ZNF621: variants seen among roughly 807,000 people sequenced by gnomAD.
ZNF621 encodes zinc finger protein 621.
ZNF621 carries 6 observed loss-of-function variants against 12.7 expected under a neutral mutation model. That is an observed-to-expected ratio of 0.47 (90% confidence interval 0.26 to 0.93). The LOEUF (loss-of-function observed/expected upper bound fraction) is 0.93. ZNF621 is among the 40% of genes least tolerant of loss of function. The pLI is 0.15. For missense variants in ZNF621, 474 were observed against 524.0 expected (o/e 0.90, Z 0.93); for synonymous variants, 156 against 190.3 (o/e 0.82, Z 1.48).
chr3:40,526,609 G>T (rs1423080607), intron 2 of ZNF621, among the ~76,000 whole-genome samples: 1 of 152,198 alleles, frequency 6.6e-6, no homozygotes. Context: ...AAAGCTGGAT[G>T]TACTCTAGAA....
chr3:40,539,695 G>T lies in ZNF621; in HGVS notation c.*6605G>T, dbSNP rs1285162170. 1 of 152,184 alleles carries T rather than the reference G, an allele frequency of 6.6e-6. No individual in the cohort carries two copies. The allele number at this position is 152,184 out of a possible 1,614,324, so 9.4% of individuals were successfully genotyped here. ...TAATATCTTATTTCATGGTTGTCCA[G>T]AAGTTACATAACTTGTCTTAATCTA... On this transcript the variant is annotated 3_prime_UTR_variant, in exon 5 of 5. Transcript: ENST00000339296.
At chr3:40,527,199 G>A (rs569119760) in intron 2 of ZNF621, among the ~76,000 whole-genome samples, 7 of 152,140 alleles carry the variant, frequency 4.6e-5, no homozygotes, top group Admixed American at 4.6e-4. Flanking sequence ...TGTATTTTTA[G>A]TAGAGACGGG....
intron 4 of ZNF621, 107 bp from the exon 5 acceptor site, chr3:40,531,923 T>G (rs1329859373): frequency 1.9e-6 from 2 of 1,059,372 alleles, no homozygotes; most frequent in Non-Finnish European, 2.7e-6. Flanking sequence ...TATAACCATT[T>G]CACAGGTATC....
chr3:40,535,430 A>G lies in ZNF621; in HGVS notation c.*2340A>G, dbSNP rs1200949382. Reference sequence around the variant, plus strand: ...AAGAGGAGCTAAGCTGGGATGCCACATAGGCAGAAGCCAGGAAAAATGACC... The same window carrying G: ...AAGAGGAGCTAAGCTGGGATGCCACGTAGGCAGAAGCCAGGAAAAATGACC... On this transcript the variant is annotated 3_prime_UTR_variant, in exon 5 of 5. Transcript: ENST00000339296. The G allele has an allele frequency of 1.3e-5, 2 of 152,266 alleles. No homozygotes were observed. Among genetic ancestry groups the G allele is most frequent in the African/African-American group, 2.4e-5 (1 of 41,466 alleles). 9.4% of individuals were successfully genotyped at this position (152,266 alleles called of 1,614,324 possible). A position where few individuals can be genotyped will look rare whatever the true frequency, so the allele number is the denominator to read the frequency against.
In ZNF621 at chr3:40,539,446, G is replaced by A. The variant is rs1446774111; in HGVS notation, c.*6356G>A. 1 of 152,204 alleles carries A rather than the reference G, an allele frequency of 6.6e-6. No homozygotes were observed. The highest frequency in any genetic ancestry group is 2.4e-5 in the African/African-American group (1 of 41,444). The allele number at this position is 152,204 out of a possible 1,614,324, so 9.4% of individuals were successfully genotyped here. A position where few individuals can be genotyped will look rare whatever the true frequency, so the allele number is the denominator to read the frequency against. ...AGCAATAAAATATTTTTAAATTAAA[G>A]TATGTACATTGTCAGATATAATGCT... On this transcript the variant is annotated 3_prime_UTR_variant, in exon 5 of 5. Transcript: ENST00000339296.
intron 3 of ZNF621, 116 bp from the exon 4 acceptor site, chr3:40,530,093 G>T (rs1698686131): frequency 1.3e-6 from 1 of 745,724 alleles, no homozygotes; most frequent in Admixed American, 2.4e-5. Flanking sequence ...CTCTCACTTG[G>T]TCTGCTGGTG....
chr3:40,537,004 T>C lies in ZNF621; in HGVS notation c.*3914T>C, dbSNP rs1405912346. On this transcript the variant is annotated 3_prime_UTR_variant, in exon 5 of 5. Coordinates refer to ENST00000339296, the MANE Select transcript of ZNF621 (RefSeq NM_198484.5). ...ATGTGTGTGTGTGTGTTCTGATTAC[T>C]CCACTAACTGATGGTTCCCCATCTC... 1 of 152,232 alleles carries C rather than the reference T, an allele frequency of 6.6e-6. No homozygotes were observed. Among genetic ancestry groups the C allele is most frequent in the African/African-American group, 2.4e-5 (1 of 41,456 alleles). 9.4% of individuals were successfully genotyped at this position (152,232 alleles called of 1,614,324 possible). A position where few individuals can be genotyped will look rare whatever the true frequency, so the allele number is the denominator to read the frequency against.
In ZNF621 at chr3:40,533,060, T is replaced by G. The variant is rs777880994; in HGVS notation, c.1290T>G (p.Val430=). ...CTCCCACTGTGAAACCTTCCCCAGT[T>G]ATTCTCACCCCTTCTTCTCACTCCT... ...GLTPTVKPSP[V]ILTPSSHSS Residue 430 remains valine, a synonymous_variant, in exon 5 of 5, where the codon GTT becomes GTG. Transcript: ENST00000339296. 22 of 1,551,622 alleles carry G rather than the reference T, an allele frequency of 1.4e-5. No homozygotes were observed. Among genetic ancestry groups the G allele is most frequent in the Non-Finnish European group, 2.6e-6 (3 of 1,146,992 alleles).
In ZNF621 at chr3:40,530,315, A is replaced by G. The variant is rs536305510; in HGVS notation, c.258A>G (p.Gln86=). The G allele has an allele frequency of 6.2e-7, 1 of 1,613,146 alleles. No individual in the cohort carries two copies. Among genetic ancestry groups the G allele is most frequent in the South Asian group, 1.1e-5 (1 of 91,026 alleles). ...WDTEILRGIS[Q]GGESWIKNEG... ...CCGAGATTCTGAGAGGCATCAGTCA[A>G]GGTGAGTATGAGAATCCAGTGGTGA... Residue 86 remains glutamine (Q), a splice_region_variant and synonymous_variant, in exon 4 of 5, where the codon CAA becomes CAG. Coordinates refer to ENST00000339296, the MANE Select transcript of ZNF621 (RefSeq NM_198484.5).
intron 4 of ZNF621, among the ~76,000 whole-genome samples, chr3:40,531,219 A>G (rs1001998738): frequency 3.3e-5 from 5 of 152,200 alleles, no homozygotes; most frequent in African/African-American, 1.2e-4. Context: ...CCTGGGTTAC[A>G]GGTAGGGCTT....
At chr3:40,524,706 G>A (rs1698532824), upstream of ZNF621, among the ~76,000 whole-genome samples, 1 of 152,322 alleles carries the variant, frequency 6.6e-6, no homozygotes, top group East Asian at 1.9e-4. Flanking sequence ...CCTAGAGGGC[G>A]AGGTCTCGGT....
At chr3:40,527,630 G>A (rs187889115) in intron 2 of ZNF621, among the ~76,000 whole-genome samples, 5 of 152,186 alleles carry the variant, frequency 3.3e-5, no homozygotes, top group Admixed American at 6.5e-5. Context: ...TTAAATGGAA[G>A]GTACAGAGAT....
rs1025347332 is a variant in ZNF621 at position 40,537,215 on chromosome 3, A to C, written c.*4125A>C. 3 of 152,238 alleles carry C rather than the reference A, an allele frequency of 2.0e-5. No individual in the cohort carries two copies. Among genetic ancestry groups the C allele is most frequent in the Non-Finnish European group, 2.9e-5 (2 of 68,042 alleles). The allele number at this position is 152,238 out of a possible 1,614,324, so 9.4% of individuals were successfully genotyped here. Reference sequence around the variant, plus strand: ...AATGTCAACAGCTGAGATAGGCCAAAAGCTAGACTGCTTCTGCCAAACAGT... The same window carrying C: ...AATGTCAACAGCTGAGATAGGCCAACAGCTAGACTGCTTCTGCCAAACAGT... On this transcript the variant is annotated 3_prime_UTR_variant, in exon 5 of 5. Coordinates refer to ENST00000339296, the MANE Select transcript of ZNF621 (RefSeq NM_198484.5).
In ZNF621 at chr3:40,525,258, A is replaced by G. The variant is rs1698548682; in HGVS notation, c.-79A>G. ...TTTCTGCCCTAAAGAACTTGCCCTG[A>G]CAGCCTCTGGCTCCCGGTACTGACG... is the stretch of plus-strand genomic sequence containing the variant. On this transcript the variant is annotated 5_prime_UTR_variant, in exon 1 of 5. Transcript: ENST00000339296. 1 of 154,918 alleles carries G rather than the reference A, an allele frequency of 6.5e-6. No individual in the cohort carries two copies. Among genetic ancestry groups the G allele is most frequent in the African/African-American group, 2.4e-5 (1 of 41,464 alleles). 9.6% of individuals were successfully genotyped at this position (154,918 alleles called of 1,614,324 possible).
In ZNF621 at chr3:40,534,777, T is replaced by A. The variant is rs572561166; in HGVS notation, c.*1687T>A. 6.6e-6 allele frequency: 1 copy of A among 152,240 alleles called. No individual in the cohort carries two copies. Among genetic ancestry groups the A allele is most frequent in the Non-Finnish European group, 1.5e-5 (1 of 68,014 alleles). 9.4% of individuals were successfully genotyped at this position (152,240 alleles called of 1,614,324 possible). On this transcript the variant is annotated 3_prime_UTR_variant, in exon 5 of 5. Transcript: ENST00000339296. ...ATAATGCCTTACAGTCTCCATTAAC[T>A]CCCTTGCCCTTCTCTTGCTTTGTCA...
Position 40,538,380 on chromosome 3 carries a change from G to C in ZNF621, c.*5290G>C, listed in dbSNP as rs920056822. On this transcript the variant is annotated 3_prime_UTR_variant, in exon 5 of 5. Transcript: ENST00000339296. ...ATACAAAAATTAGCTGGATGTGGTGGTGTGTGCCTGTAATCCCAGCTACTT... is the reference window on the plus strand; with the variant it reads ...ATACAAAAATTAGCTGGATGTGGTGCTGTGTGCCTGTAATCCCAGCTACTT... 1.3e-5 allele frequency: 3 copies of C among 222,790 alleles called. No homozygotes were observed. The highest frequency in any genetic ancestry group is 7.1e-5 in the African/African-American group (3 of 41,998). The allele number at this position is 222,790 out of a possible 1,614,324, so 13.8% of individuals were successfully genotyped here.
Position 40,533,017 on chromosome 3 carries a change from G to C in ZNF621, c.1247G>C (p.Arg416Pro), listed in dbSNP as rs753665824. 1 of 1,551,672 alleles carries C rather than the reference G, an allele frequency of 6.4e-7. No individual in the cohort carries two copies. Residue 416 changes from arginine to proline, a missense_variant, in exon 5 of 5, where the codon CGT becomes CCT. Transcript: ENST00000339296. ...CCTTCTTCATCTGCCCAAATAGTGC[G>C]TGTCTTCCAGGGTCTTACTCCCACT... ...GIPSSSAQIV[R>P]VFQGLTPTVK...
At position 40,532,309 on chromosome 3, in the gene ZNF621, A is replaced by G. The variant is rs371832766; in HGVS notation, c.539A>G (p.Lys180Arg). Residue 180 changes from lysine (K) to arginine (R), a missense_variant, in exon 5 of 5, where the codon AAG becomes AGG. Coordinates refer to ENST00000339296, the MANE Select transcript of ZNF621 (RefSeq NM_198484.5). ...QMSHTGEKPF[K>R]CKECGKAFKS... ...AGTCATACTGGGGAAAAGCCCTTTA[A>G]GTGTAAGGAGTGTGGCAAAGCTTTC... 4 of 1,612,352 alleles carry G rather than the reference A, an allele frequency of 2.5e-6. No homozygotes were observed. In the African/African-American group the frequency reaches 5.3e-5, roughly 22 times the overall value.
intron 2 of ZNF621, among the ~76,000 whole-genome samples, chr3:40,527,741 A>G (rs1202348322): frequency 5.3e-5 from 8 of 151,680 alleles, no homozygotes; most frequent in Non-Finnish European, 1.0e-4. Context: ...TGTCTTTAAA[A>G]GAATGGAAAT....
Sources: allele counts gnomAD v4.1 joint callset (sites outside exome capture counted in the v4.1 genomes callset), GRCh38; gene constraint gnomAD v4.1.1; transcripts MANE v1.5; gene names NCBI Gene and HGNC (gene_info 2026-07-23, HGNC 2026-07-21).